The following LIN7B variants were observed in gnomAD, a reference collection of about 807,000 sequenced individuals.
LIN7B encodes protein lin-7 homolog B.
In LIN7B, 16 loss-of-function variants were observed where a neutral mutation model predicts 27.9. The ratio of observed to expected loss-of-function variants is 0.57; its 90% CI spans 0.39 to 0.87. The LOEUF (loss-of-function observed/expected upper bound fraction) is 0.87, where lower values mean the gene tolerates loss of function less well. Ranked by LOEUF, LIN7B falls within the 40% of genes least tolerant of loss-of-function variation. The pLI is 0.00. For synonymous variants in LIN7B, 147 were observed against 120.8 expected (o/e 1.22, Z -1.42); for missense variants, 291 against 288.5 (o/e 1.01, Z -0.06).
At position 49,116,310 on chromosome 19, in the gene LIN7B, G is replaced by C. The variant is rs1258053176; in HGVS notation, c.276G>C (p.Arg92Ser). The C allele has an allele frequency of 6.2e-7, 1 of 1,614,034 alleles. No individual in the cohort carries two copies. Among genetic ancestry groups the C allele is most frequent in the East Asian group, 2.2e-5 (1 of 44,902 alleles). Residue 92 changes from arginine (R) to serine (S), a missense_variant, in exon 4 of 6, where the codon AGG becomes AGC. By Grantham distance (110) the Arg-to-Ser change is moderately radical (BLOSUM62 -1). Coordinates refer to ENST00000221459, the MANE Select transcript of LIN7B (RefSeq NM_022165.3). ...CCAGCGAGGGCCACGCACATCCCAG[G>C]GTAGTGGAGCTACCCAAGACGGATG... ...FTASEGHAHP[R>S]VVELPKTDEG...
chr19:49,116,232 C>A (rs1310031762), intron 3 of LIN7B, 31 bp from the exon 4 acceptor site: 5 of 1,590,076 alleles, frequency 3.1e-6, no homozygotes, highest in Non-Finnish European at 4.3e-6. Context: ...CTGGAAGGGG[C>A]CCTCATCTTC....
Position 49,118,354 on chromosome 19 carries a change from C to T in LIN7B, c.605C>T (p.Ser202Phe), listed in dbSNP as rs2040871955. 6.2e-7 allele frequency: 1 copy of T among 1,614,016 alleles called. No homozygotes were observed. The highest frequency in any genetic ancestry group is 8.5e-7 in the Non-Finnish European group (1 of 1,179,990). Reference protein sequence around the residue: ...RRRQQHQSYSSLESRG With the variant: ...RRRQQHQSYSFLESRG ...TCCCTTGTCCACCCCCCTTGCAGGT[C>T]CTTGGAGTCTCGAGGTTGAAACCAC... The change falls in exon 6 of 6, where the codon TCC (serine) becomes TTC (phenylalanine). Residue 202 changes from serine to phenylalanine, a missense_variant and splice_region_variant. By Grantham distance (155) the Ser-to-Phe change is radical. Transcript: ENST00000221459.
At chr19:49,114,622 G>A (rs1333733716) in intron 1 of LIN7B, 181 bp downstream of exon 1, 11 of 494,166 alleles carry the variant, frequency 2.2e-5, no homozygotes, top group East Asian at 7.2e-5. Context: ...CGCGGGCCGG[G>A]ACGCTGGGCG....
chr19:49,117,872 G>A lies in LIN7B; in HGVS notation c.456G>A (p.Gln152=). Residue 152 remains glutamine, a synonymous_variant, in exon 5 of 6, where the codon CAG becomes CAA. Transcript: ENST00000221459. ...CCCTGCAGAGCGTTGAGGGTGAGCAGCATGAGAAGGCGGTGGAGCTGCTGA... is the reference window on the plus strand; with the variant it reads ...CCCTGCAGAGCGTTGAGGGTGAGCAACATGAGAAGGCGGTGGAGCTGCTGA... ...SVNGVSVEGE[Q]HEKAVELLKA... 1 of 1,614,040 alleles carries A rather than the reference G, an allele frequency of 6.2e-7. No homozygotes were observed. Among genetic ancestry groups the A allele is most frequent in the Non-Finnish European group, 8.5e-7 (1 of 1,179,962 alleles).
chr19:49,116,795 T>G, intron 4 of LIN7B, among the ~76,000 whole-genome samples: 1 of 152,160 alleles, frequency 6.6e-6, no homozygotes, highest in East Asian at 1.9e-4. Context: ...ACATTTGGGT[T>G]GGGTGTTAAA....
chr19:49,114,461 C>A lies in LIN7B; in HGVS notation c.37+20C>A. 8.3e-7 allele frequency: 1 copy of A among 1,207,108 alleles called. No homozygotes were observed. The highest frequency in any genetic ancestry group is 1.0e-6 in the Non-Finnish European group (1 of 971,486). 74.8% of individuals were successfully genotyped at this position (1,207,108 alleles called of 1,614,324 possible). The stretch of plus-strand genomic sequence containing the variant: ...AGCGGGGTAAGCGTGCGCCAGGGGG[C>A]CCTGCCCACCCGGGCCGCGGCCTAC... On this transcript the variant is annotated intron_variant, in intron 1 of 5. Coordinates refer to ENST00000221459, the MANE Select transcript of LIN7B (RefSeq NM_022165.3).
In LIN7B at chr19:49,116,458, T is replaced by C; in HGVS notation, c.424T>C (p.Ser142Pro). 1 of 1,614,024 alleles carries C rather than the reference T, an allele frequency of 6.2e-7. No homozygotes were observed. The highest frequency in any genetic ancestry group is 8.5e-7 in the Non-Finnish European group (1 of 1,179,924). Residue 142 changes from serine (S) to proline (P), a missense_variant, in exon 4 of 6, where the codon TCG (serine) becomes CCG (proline). Ser to Pro is a moderately conservative substitution (Grantham distance 74). Transcript: ENST00000221459. Reference sequence around the variant, plus strand: ...CCTCAAGCGTGGGGATCAACTGTTGTCGGTGAACGGTGTGGTGAGTGGAGG... The same window carrying C: ...CCTCAAGCGTGGGGATCAACTGTTGCCGGTGAACGGTGTGGTGAGTGGAGG... Reference protein sequence around the residue: ...GGLKRGDQLLSVNGVSVEGEQ... With the variant: ...GGLKRGDQLLPVNGVSVEGEQ...
At chr19:49,114,618 C>A in intron 1 of LIN7B, 177 bp downstream of exon 1, 1 of 505,166 alleles carries the variant, frequency 2.0e-6, no homozygotes, top group Non-Finnish European at 3.1e-6. Context: ...TGGGCGCGGG[C>A]CGGGACGCTG....
intron 4 of LIN7B, among the ~76,000 whole-genome samples, chr19:49,117,407 A>C (rs2040845457): frequency 6.6e-6 from 1 of 152,054 alleles, no homozygotes; most frequent in Non-Finnish European, 1.5e-5. Flanking sequence ...AGCCAGGGAT[A>C]AACTCAGCTT....
intron 1 of LIN7B, 125 bp downstream of exon 1, chr19:49,114,566 C>A: frequency 1.3e-6 from 1 of 754,590 alleles, no homozygotes; most frequent in Non-Finnish European, 1.8e-6. Flanking sequence ...GTGGGCGGGG[C>A]GGGCGCCGGG....
intron 3 of LIN7B, 80 bp downstream of exon 3, chr19:49,115,411 C>A: frequency 1.6e-6 from 2 of 1,241,398 alleles, no homozygotes; most frequent in Non-Finnish European, 2.2e-6. Context: ...CCAGTCATTT[C>A]TGTTTCCTCC....
chr19:49,116,767 G>A (rs2040832722), intron 4 of LIN7B, among the ~76,000 whole-genome samples: 1 of 152,360 alleles, frequency 6.6e-6, no homozygotes, highest in South Asian at 2.1e-4. Flanking sequence ...GATACAGGAA[G>A]GTTTTGCAGA....
chr19:49,115,030 C>A, intron 2 of LIN7B, 63 bp downstream of exon 2: 1 of 1,144,728 alleles, frequency 8.7e-7, no homozygotes, highest in Non-Finnish European at 1.2e-6. Flanking sequence ...CCTCCTCCTG[C>A]TTGTCCCGAG....
rs1208616865 is a variant in LIN7B at position 49,115,337 on chromosome 19, C to T, written c.228+6C>T. 1 of 1,566,816 alleles carries T rather than the reference C, an allele frequency of 6.4e-7. No individual in the cohort carries two copies. Among genetic ancestry groups the T allele is most frequent in the Non-Finnish European group, 8.7e-7 (1 of 1,154,602 alleles). ...GAGCCCATGCCACAGCCAAGGTGGGCCCCGCACCCCATTGCTCCTGGTGTC... is the reference window on the plus strand; with the variant it reads ...GAGCCCATGCCACAGCCAAGGTGGGTCCCGCACCCCATTGCTCCTGGTGTC... On this transcript the variant is annotated splice_donor_region_variant and intron_variant, in intron 3 of 5. Coordinates refer to ENST00000221459, the MANE Select transcript of LIN7B (RefSeq NM_022165.3).
At position 49,117,654 on chromosome 19, in the gene LIN7B, G is replaced by A. The variant is rs146561694; in HGVS notation, c.439-201G>A. ...GTTTGGCCAGGGACTGAGGGAACACGGGGCTGTCCCTGACATGGGAATCCT... is the reference window on the plus strand; with the variant it reads ...GTTTGGCCAGGGACTGAGGGAACACAGGGCTGTCCCTGACATGGGAATCCT... On this transcript the variant is annotated intron_variant, in intron 4 of 5. Coordinates refer to ENST00000221459, the MANE Select transcript of LIN7B (RefSeq NM_022165.3). 2.4e-3 allele frequency among the ~76,000 whole-genome samples: 365 copies of A among 152,254 alleles called. 1 individual carries two copies. Among genetic ancestry groups the A allele is most frequent in the South Asian group, 0.02 (95 of 4,830 alleles).
At chr19:49,116,595 A>G (rs1010695816) in intron 4 of LIN7B, 123 bp downstream of exon 4, 79 of 910,800 alleles carry the variant, frequency 8.7e-5, no homozygotes, top group Middle Eastern at 6.8e-4. Flanking sequence ...GTGCTGGGCA[A>G]TGTTACAGAC....
chr19:49,114,989 G>C (rs2033202370), intron 2 of LIN7B, 22 bp downstream of exon 2: 13 of 1,357,840 alleles, frequency 9.6e-6, no homozygotes, highest in Non-Finnish European at 1.3e-5. Flanking sequence ...GCGGCGCAGG[G>C]GCGCGAGCTG....
chr19:49,114,638 C>T (rs2122448988), intron 1 of LIN7B, 197 bp downstream of exon 1: 1 of 468,570 alleles, frequency 2.1e-6, no homozygotes, highest in East Asian at 3.6e-5. Flanking sequence ...GGGCGCCCGC[C>T]TTACAACCCG....
intron 4 of LIN7B, among the ~76,000 whole-genome samples, chr19:49,116,979 C>A (rs4802563): frequency 0.44 from 66,550 of 151,724 alleles, 14,922 homozygotes; most frequent in African/African-American, 0.52. Flanking sequence ...GGTGCGGTGG[C>A]TCACACCTGT....
Sources: gnomAD v4.1 joint callset for allele counts (sites outside exome capture counted in the v4.1 genomes callset) on GRCh38, gnomAD v4.1.1 for gene constraint, MANE v1.5 for transcripts, NCBI Gene and HGNC (gene_info 2026-07-23, HGNC 2026-07-21) for gene names.